Variants in SAP130 observed in about 807,000 individuals in gnomAD.
SAP130 encodes the protein histone deacetylase complex subunit SAP130.
In SAP130, 16 loss-of-function variants were observed where a neutral mutation model predicts 103.2. The observed-to-expected ratio is 0.16, with a 90% CI of 0.10 to 0.24. SAP130 has a LOEUF of 0.24. Ranked by LOEUF, SAP130 falls within the 10% of genes least tolerant of loss-of-function variation. The pLI is 1.00. For synonymous variants in SAP130, 477 were observed against 497.0 expected (o/e 0.96, Z 0.53); for missense variants, 990 against 1,359.7 (o/e 0.73, Z 4.28).
chr2:127,976,633 C>T (rs780101660), intron 15 of SAP130, among the ~76,000 whole-genome samples: 2 of 152,218 alleles, frequency 1.3e-5, no homozygotes, highest in Non-Finnish European at 2.9e-5. Flanking sequence ...CAACTGGGGC[C>T]GGGCACGGTG....
chr2:127,970,885 C>T (rs1033974043), intron 15 of SAP130, among the ~76,000 whole-genome samples: 2 of 152,092 alleles, frequency 1.3e-5, no homozygotes, highest in African/African-American at 4.8e-5. Context: ...ACTGACATGA[C>T]ATGATATGAC....
chr2:127,997,975 G>T (rs538921327), intron 10 of SAP130, among the ~76,000 whole-genome samples: 2 of 151,968 alleles, frequency 1.3e-5, no homozygotes, highest in Non-Finnish European at 2.9e-5. Context: ...TCAGCCAGGC[G>T]TGGTGGTATG....
At chr2:127,982,941 C>A (rs1477572702) in intron 14 of SAP130, among the ~76,000 whole-genome samples, 1 of 152,068 alleles carries the variant, frequency 6.6e-6, no homozygotes, top group Non-Finnish European at 1.5e-5. Flanking sequence ...GGGCTAGGGG[C>A]ATGGGAGCAC....
rs865876063 is a variant in SAP130, at chr2:127,993,513, A to G, written c.1356-205T>C. ...AAAAAAGTGGATACTATAAATACCT[A>G]TATCAATAAATGTAAAAACATAGAT... On this transcript the variant is annotated intron_variant, in intron 11 of 20. Transcript: ENST00000643581. Among the ~76,000 whole-genome samples the G allele has an allele frequency of 3.3e-5, 5 of 152,236 alleles. No homozygotes were observed. In the Middle Eastern group the frequency reaches 0.01, roughly 311 times the overall value.
intron 18 of SAP130, among the ~76,000 whole-genome samples, chr2:127,946,198 T>C (rs1324438247): frequency 6.6e-6 from 1 of 152,088 alleles, no homozygotes; most frequent in Non-Finnish European, 1.5e-5. Flanking sequence ...CTGAAGGAAG[T>C]GAGTCCATTT....
rs1679780683 is a variant in SAP130 at position 127,955,514 on chromosome 2, TCTCACTCTGTTACCCATG to T, written c.2064-188_2064-171del. ...ATTTTAAAAAAATTTTGAGACAGGG[TCTCACTCTGTTACCCATG>T]CTGGAGTGAAGTGGCGTGATCTTGG... On this transcript the variant is annotated intron_variant, in intron 15 of 20. Transcript: ENST00000643581. This position sits in a 1 kb window ranked among gnomAD's most constrained non-coding sequence, Gnocchi z 4.9. Among the ~76,000 whole-genome samples, 1 of 152,132 alleles carries T rather than the reference TCTCACTCTGTTACCCATG, an allele frequency of 6.6e-6. No homozygotes were observed. Among genetic ancestry groups the T allele is most frequent in the African/African-American group, 2.4e-5 (1 of 41,422 alleles).
At chr2:127,991,670 A>G (rs189768558) in intron 12 of SAP130, among the ~76,000 whole-genome samples, 35 of 152,260 alleles carry the variant, frequency 2.3e-4, no homozygotes, top group Non-Finnish European at 5.1e-4. Flanking sequence ...TCTCTTTTCT[A>G]TATTATGTCT....
chr2:127,950,189 T>A lies in SAP130; in HGVS notation c.2642A>T (p.Lys881Met), dbSNP rs1176131748. The change falls in exon 17 of 21, where the codon AAG (lysine) becomes ATG (methionine). Residue 881 changes from lysine to methionine, a missense_variant. Coordinates refer to ENST00000643581, the MANE Select transcript of SAP130 (RefSeq NM_001330301.2). ...ATACTCCTTGGGAGGAGACTTGCGC[T>A]TCTCAGCCTTCACCAGAAGACTCTT... is the stretch of plus-strand genomic sequence containing the variant. Reference protein sequence around the residue: ...TAKSLLVKAEKRKSPPKEYID... With the variant: ...TAKSLLVKAEMRKSPPKEYID... 1 of 1,614,116 alleles carries A rather than the reference T, an allele frequency of 6.2e-7. No homozygotes were observed. The highest frequency in any genetic ancestry group is 8.5e-7 in the Non-Finnish European group (1 of 1,180,050).
chr2:128,027,450 G>A (rs1468356982), intron 1 of SAP130: 3 of 1,105,364 alleles, frequency 2.7e-6, no homozygotes, highest in East Asian at 5.2e-5. Flanking sequence ...CCTGGCCGGG[G>A]CAGCCCAAAC....
chr2:127,964,156 T>C (rs1466322348), intron 15 of SAP130, among the ~76,000 whole-genome samples: 1 of 152,012 alleles, frequency 6.6e-6, no homozygotes. Flanking sequence ...TTCACACCCA[T>C]TGCACTCCAG....
intron 19 of SAP130, among the ~76,000 whole-genome samples, chr2:127,944,954 G>A (rs2104850478): frequency 6.6e-6 from 1 of 151,634 alleles, no homozygotes; most frequent in South Asian, 2.1e-4. Context: ...GTATGCCCCG[G>A]TCTCTGAATG....
chr2:127,960,093 T>C (rs1680134166), intron 15 of SAP130, among the ~76,000 whole-genome samples: 1 of 152,186 alleles, frequency 6.6e-6, no homozygotes, highest in African/African-American at 2.4e-5. Context: ...TCAGTATTAT[T>C]AGCCTAATCT....
At chr2:127,970,194 C>T (rs1680974810) in intron 15 of SAP130, among the ~76,000 whole-genome samples, 1 of 145,912 alleles carries the variant, frequency 6.9e-6, no homozygotes, top group Admixed American at 7.0e-5. Flanking sequence ...CCTCACTGCA[C>T]TCCAGCCTGG....
intron 12 of SAP130, among the ~76,000 whole-genome samples, chr2:127,990,664 G>A (rs11680146): frequency 0.68 from 103,808 of 152,072 alleles, 36,761 homozygotes; most frequent in Non-Finnish European, 0.77. Flanking sequence ...AAAACAGCCC[G>A]GTGTGATGAT....
chr2:128,027,283 T>TCGCA (rs1685583411), intron 1 of SAP130: 2 of 1,160,446 alleles, frequency 1.7e-6, no homozygotes, highest in South Asian at 8.8e-5. Flanking sequence ...GCCGCTGTGC[T>TCGCA]CGCAGTCCTC....
At chr2:128,012,392 C>T (rs1199489812) in intron 6 of SAP130, among the ~76,000 whole-genome samples, 1 of 152,082 alleles carries the variant, frequency 6.6e-6, no homozygotes, top group Non-Finnish European at 1.5e-5. Context: ...ATCGCTTGAA[C>T]CCAGGAAGCA....
At chr2:128,027,517 G>A (rs1685607519) in intron 1 of SAP130, among the ~76,000 whole-genome samples, 1 of 152,024 alleles carries the variant, frequency 6.6e-6, no homozygotes, top group Non-Finnish European at 1.5e-5. Context: ...AAGGGGGCGG[G>A]GAGCGGGGAG....
At chr2:128,019,021 C>T (rs1573851789) in intron 2 of SAP130, among the ~76,000 whole-genome samples, 1 of 151,412 alleles carries the variant, frequency 6.6e-6, no homozygotes, top group Non-Finnish European at 1.5e-5. Context: ...TCACTTGAAC[C>T]CAGGAGATGG....
rs548380983 is a variant in SAP130 at position 127,948,432 on chromosome 2, C to T, written c.2797+1437G>A. Among the ~76,000 whole-genome samples, 357 of 149,288 alleles carry T rather than the reference C, an allele frequency of 2.4e-3. 1 individual carries two copies. Among genetic ancestry groups the T allele is most frequent in the Non-Finnish European group, 3.6e-3 (245 of 67,230 alleles). On this transcript the variant is annotated intron_variant, in intron 18 of 20. Coordinates refer to ENST00000643581, the MANE Select transcript of SAP130 (RefSeq NM_001330301.2). ...TTGGCTCACTGCAACCTTTGCCTCC[C>T]GGGTTCAAGAGATTCTCCTGCCTCA...
Sources: allele counts gnomAD v4.1 joint callset (sites outside exome capture counted in the v4.1 genomes callset), GRCh38; gene constraint gnomAD v4.1.1; non-coding constraint Gnocchi (gnomAD v3.1); transcripts MANE v1.5; gene names NCBI Gene and HGNC (gene_info 2026-07-23, HGNC 2026-07-21).